Variants in SKAP1 observed in about 807,000 individuals in gnomAD.
SKAP1 encodes src kinase associated phosphoprotein 1.
A neutral mutation model predicts 58.5 loss-of-function variants in SKAP1; 44 were observed. The observed-to-expected ratio is 0.75, with a 90% CI of 0.59 to 0.97. The LOEUF is 0.97. Among genes scored for constraint, SKAP1 ranks in the 50% least tolerant of loss-of-function variants. The pLI is 0.00. For missense variants in SKAP1, 390 were observed against 435.2 expected (o/e 0.90, Z 0.92); for synonymous variants, 127 against 149.7 (o/e 0.85, Z 1.11).
intron 4 of SKAP1, 87 bp downstream of exon 4, chr17:48,345,818 G>T: frequency 1.1e-6 from 1 of 873,136 alleles, no homozygotes; most frequent in Non-Finnish European, 1.9e-6. Context: ...AAGGCTGCTA[G>T]ATACAAAAAT....
intron 10 of SKAP1, among the ~76,000 whole-genome samples, chr17:48,168,331 T>G (rs1327185371): frequency 6.6e-6 from 1 of 152,122 alleles, no homozygotes; most frequent in Non-Finnish European, 1.5e-5. Flanking sequence ...TCAACTTGCT[T>G]ATATATATTT....
intron 4 of SKAP1, among the ~76,000 whole-genome samples, chr17:48,270,648 T>A (rs1464585216): frequency 6.6e-6 from 1 of 152,084 alleles, no homozygotes; most frequent in Admixed American, 6.5e-5. Context: ...GCCCTATTTT[T>A]TATTTTTTAT....
At chr17:48,362,854 G>A (rs1383311712) in intron 3 of SKAP1, among the ~76,000 whole-genome samples, 1 of 152,138 alleles carries the variant, frequency 6.6e-6, no homozygotes, top group East Asian at 1.9e-4. Context: ...ACAACATTAA[G>A]AGAATAAAAA....
chr17:48,222,476 A>G (rs969691026), intron 4 of SKAP1, among the ~76,000 whole-genome samples: 2 of 151,972 alleles, frequency 1.3e-5, no homozygotes, highest in African/African-American at 4.8e-5. Context: ...ATATAGAAGA[A>G]TTATATATAT....
chr17:48,222,809 T>C (rs560138931), intron 4 of SKAP1, among the ~76,000 whole-genome samples: 1 of 151,386 alleles, frequency 6.6e-6, no homozygotes, highest in Non-Finnish European at 1.5e-5. Context: ...CTCACACCTG[T>C]AATGCCAGCA....
At chr17:48,354,189 C>T (rs192422256) in intron 3 of SKAP1, among the ~76,000 whole-genome samples, 5 of 152,180 alleles carry the variant, frequency 3.3e-5, no homozygotes. Context: ...GCTGTAATGG[C>T]AAATGGTGAC....
intron 4 of SKAP1, among the ~76,000 whole-genome samples, chr17:48,283,315 A>C (rs1429429767): frequency 6.6e-6 from 1 of 152,230 alleles, no homozygotes; most frequent in Non-Finnish European, 1.5e-5. Context: ...TGTAATAAGA[A>C]AAATAAAATA....
At chr17:48,406,763 C>G (rs1463269291) in intron 1 of SKAP1, among the ~76,000 whole-genome samples, 1 of 151,854 alleles carries the variant, frequency 6.6e-6, no homozygotes, top group African/African-American at 2.4e-5. Flanking sequence ...ACGAGGTTTC[C>G]CCATGTTAGT....
At chr17:48,440,989 T>C in the SKAP1 span, among the ~76,000 whole-genome samples, 18 of 152,342 alleles carry the variant, frequency 1.2e-4, no homozygotes, top group African/African-American at 4.3e-4. Flanking sequence ...AGAGTTTCTT[T>C]GGTCACTTGG....
chr17:48,428,882 C>T lies in SKAP1; in HGVS notation c.46+1193G>A, dbSNP rs75547602. ...CCCCAAAATTTAGATTTATTCTGAT[C>T]GTAAGTAAAACGGATTTTGGAAACC... On this transcript the variant is annotated intron_variant, in intron 1 of 12. Coordinates refer to ENST00000336915, the MANE Select transcript of SKAP1 (RefSeq NM_003726.4). Among the ~76,000 whole-genome samples, 697 of 152,206 alleles carry T rather than the reference C, an allele frequency of 4.6e-3. 4 individuals are homozygous for T. The highest frequency in any genetic ancestry group is 0.016 in the African/African-American group (647 of 41,500).
chr17:48,343,736 T>C (rs1181805643), intron 4 of SKAP1, among the ~76,000 whole-genome samples: 1 of 152,242 alleles, frequency 6.6e-6, no homozygotes, highest in Non-Finnish European at 1.5e-5. Context: ...AGTATTTTTA[T>C]CTGTATGGTC....
At chr17:48,180,329 G>A in intron 8 of SKAP1, 81 bp from the exon 9 acceptor site, 1 of 1,032,090 alleles carries the variant, frequency 9.7e-7, no homozygotes. Flanking sequence ...AGAAGGAGGA[G>A]GAGGGATGAG....
chr17:48,205,031 CTT>C (rs1203724501), intron 4 of SKAP1, among the ~76,000 whole-genome samples: 737 of 58,462 alleles, frequency 0.013, 8 homozygotes, highest in African/African-American at 0.034. Context: ...TTCTTTCTTT[CTT>C]TCTTTCTCTC....
chr17:48,353,805 G>C (rs569572483), intron 3 of SKAP1, among the ~76,000 whole-genome samples: 2 of 151,108 alleles, frequency 1.3e-5, no homozygotes, highest in East Asian at 1.9e-4. Context: ...CTGAGGCAGA[G>C]AGAATTGCTT....
At chr17:48,284,036 C>A (rs1325036321) in intron 4 of SKAP1, among the ~76,000 whole-genome samples, 7 of 152,202 alleles carry the variant, frequency 4.6e-5, no homozygotes, top group Admixed American at 4.6e-4. Context: ...GGTAAAGGAG[C>A]TGCTCCCTCC....
chr17:48,415,917 G>T (rs2067726810), intron 1 of SKAP1, among the ~76,000 whole-genome samples: 1 of 152,178 alleles, frequency 6.6e-6, no homozygotes, highest in Non-Finnish European at 1.5e-5. Context: ...AGAAGGGGGA[G>T]ATATTCAGCA....
intron 4 of SKAP1, among the ~76,000 whole-genome samples, chr17:48,215,773 G>A (rs1356651878): frequency 6.6e-6 from 1 of 152,094 alleles, no homozygotes; most frequent in Non-Finnish European, 1.5e-5. Context: ...ATTCTCCACA[G>A]GGAAGCAGTA....
intron 1 of SKAP1, among the ~76,000 whole-genome samples, chr17:48,429,321 G>A (rs189932349): frequency 3.9e-5 from 6 of 152,336 alleles, no homozygotes; most frequent in Admixed American, 3.9e-4. Flanking sequence ...ACGTCTCTTT[G>A]TGACATCTCT....
intron 4 of SKAP1, among the ~76,000 whole-genome samples, chr17:48,253,007 T>C (rs762087134): frequency 1.3e-5 from 2 of 152,152 alleles, no homozygotes; most frequent in Non-Finnish European, 2.9e-5. Context: ...AGACCACAGA[T>C]TGAGTGACAT....
Sources: allele counts gnomAD v4.1 joint callset (sites outside exome capture counted in the v4.1 genomes callset), GRCh38; gene constraint gnomAD v4.1.1; transcripts MANE v1.5; gene names NCBI Gene and HGNC (gene_info 2026-07-23, HGNC 2026-07-21).